The following COMMD5 variants were observed in gnomAD, a reference collection of about 807,000 sequenced individuals.
COMMD5 encodes the protein COMM domain-containing protein 5.
Under a neutral mutation model 6.9 loss-of-function variants are expected in COMMD5, and 10 were observed. The observed-to-expected ratio is 1.44, with a 90% CI of 0.89 to 2.45. The LOEUF (loss-of-function observed/expected upper bound fraction) is 2.45, where lower values mean the gene tolerates loss of function less well. COMMD5 is among the 30% of genes most tolerant of loss of function. COMMD5 has a pLI of 0.00. For synonymous variants in COMMD5, 127 were observed against 125.3 expected (o/e 1.01, Z -0.09); for missense variants, 234 against 287.8 (o/e 0.81, Z 1.35).
At position 144,850,865 on chromosome 8, in the gene COMMD5, C is replaced by T; in HGVS notation, c.474G>A (p.Arg158=). The T allele has an allele frequency of 6.2e-7, 1 of 1,613,242 alleles. No individual in the cohort carries two copies. The highest frequency in any genetic ancestry group is 8.5e-7 in the Non-Finnish European group (1 of 1,179,816). ...WLPHVADFRW[R]VDVAISTSAL... is the part of the protein sequence containing the mutation. ...CACTGGTGGAGATTGCTACATCCAC[C>T]CGCCACCGAAAGTCAGCAACATGCG... Residue 158 remains arginine, a synonymous_variant, in exon 2 of 2, where the codon CGG becomes CGA. Transcript: ENST00000305103. The surrounding 1 kb of genome is among the most constrained non-coding windows in gnomAD (Gnocchi z 4.0).
downstream of COMMD5, chr8:144,846,448 C>T (rs1830515527): frequency 2.5e-5 from 9 of 353,450 alleles, no homozygotes; most frequent in South Asian, 1.7e-4. Context: ...GATGCCCAAG[C>T]GTCTTCATGG....
intron 1 of COMMD5, chr8:144,843,284 T>C: frequency 7.7e-7 from 1 of 1,302,036 alleles, no homozygotes; most frequent in South Asian, 1.6e-5. Context: ...GGTTCAGAAT[T>C]GCTCTCAAGA....
At chr8:144,841,898 A>T in intron 1 of COMMD5, 1 of 1,614,130 alleles carries the variant, frequency 6.2e-7, no homozygotes, top group Non-Finnish European at 8.5e-7. Context: ...CTCTGCTCGC[A>T]GCTTAATCAG....
downstream of COMMD5, chr8:144,846,415 T>G: frequency 2.1e-6 from 1 of 487,508 alleles, no homozygotes; most frequent in Non-Finnish European, 3.7e-6. Context: ...AATTTGACTG[T>G]GCACAGTGTC....
chr8:144,847,753 A>T (rs1331415772), downstream of COMMD5, among the ~76,000 whole-genome samples: 1 of 152,242 alleles, frequency 6.6e-6, no homozygotes, highest in African/African-American at 2.4e-5. Context: ...GGACAGTGCC[A>T]CAGGAGAGGG....
chr8:144,846,071 CAA>C (rs1250715356), downstream of COMMD5: 44 of 1,536,412 alleles, frequency 2.9e-5, 1 homozygote, highest in Admixed American at 5.9e-5. Flanking sequence ...ACACTGCTCA[CAA>C]AGACTGACCC....
At chr8:144,840,045 G>A (rs777321771), downstream of COMMD5, among the ~76,000 whole-genome samples, 2 of 152,180 alleles carry the variant, frequency 1.3e-5, no homozygotes, top group Non-Finnish European at 2.9e-5. Context: ...AGTGATTCTT[G>A]TGCCTCAGCC....
intron 1 of COMMD5, among the ~76,000 whole-genome samples, chr8:144,844,775 A>G (rs558548165): frequency 2.5e-4 from 37 of 150,450 alleles, no homozygotes; most frequent in Non-Finnish European, 5.3e-4. Context: ...GGAAACAAAT[A>G]TGGGGAGAAG....
chr8:144,841,330 A>G, exon 2 of COMMD5: 1 of 1,579,148 alleles, frequency 6.3e-7, no homozygotes, highest in Non-Finnish European at 8.6e-7. Flanking sequence ...GGCCTAAGGA[A>G]CGTCTTTGTT....
At chr8:144,841,484 C>T in exon 2 of COMMD5, 1 of 1,613,890 alleles carries the variant, frequency 6.2e-7, no homozygotes, top group South Asian at 1.1e-5. Flanking sequence ...GGAGACGTTT[C>T]TGATTCTGAG....
chr8:144,850,151 T>C (rs1361723620), downstream of COMMD5: 1 of 155,782 alleles, frequency 6.4e-6, no homozygotes, highest in East Asian at 1.9e-4. The surrounding 1 kb of genome is among the most constrained non-coding windows in gnomAD (Gnocchi z 4.0). Context: ...ACTTGCTGCA[T>C]CACACGCCAT....
chr8:144,842,062 T>C, intron 1 of COMMD5: 1 of 1,614,078 alleles, frequency 6.2e-7, no homozygotes, highest in South Asian at 1.1e-5. Flanking sequence ...TGGTCAGAGC[T>C]CAAGCCTCAT....
rs1554644465 is a variant in COMMD5 at position 144,844,733 on chromosome 8, A to AAAAC, written c.*117-2994_*117-2991dup. On this transcript the variant is annotated intron_variant and NMD_transcript_variant, in intron 1 of 1. Transcript: ENST00000530332. ...TCAAAAAAAAAAAAAAAAAAAAAAA[A>AAAAC]AAACGAAAATGGGATGGAAAGAAGG... 2.1e-3 allele frequency among the ~76,000 whole-genome samples: 281 copies of AAAAC among 132,432 alleles called. 9 individuals carry two copies. Among genetic ancestry groups the AAAAC allele is most frequent in the African/African-American group, 7.9e-3 (268 of 33,736 alleles). 86.9% of individuals were successfully genotyped at this position (132,432 alleles called of 152,430 possible). A position where few individuals can be genotyped will look rare whatever the true frequency, so the allele number is the denominator to read the frequency against.
exon 2 of COMMD5, chr8:144,841,635 C>T: frequency 6.2e-7 from 1 of 1,614,234 alleles, no homozygotes; most frequent in Non-Finnish European, 8.5e-7. Context: ...AGCTGGGAAG[C>T]AGCGGCCTGG....
intron 1 of COMMD5, among the ~76,000 whole-genome samples, chr8:144,844,540 G>A (rs200946370): frequency 6.6e-6 from 1 of 151,186 alleles, no homozygotes; most frequent in Admixed American, 6.6e-5. Flanking sequence ...GAAACCCCGT[G>A]TCTACTAAAA....
chr8:144,842,291 C>T (rs1830036074), intron 1 of COMMD5: 3 of 1,614,052 alleles, frequency 1.9e-6, no homozygotes, highest in East Asian at 2.2e-5. Context: ...CTAAAAGCCT[C>T]AGACAGTCCA....
In COMMD5 at chr8:144,850,669, C is replaced by A; in HGVS notation, c.670G>T (p.Asp224Tyr). 1 of 1,612,740 alleles carries A rather than the reference C, an allele frequency of 6.2e-7. No individual in the cohort carries two copies. Among genetic ancestry groups the A allele is most frequent in the South Asian group, 1.1e-5 (1 of 91,000 alleles). The change falls in exon 2 of 2, where the codon GAC becomes TAC. Residue 224 changes from aspartate to tyrosine, a missense_variant. Coordinates refer to ENST00000305103, the MANE Select transcript of COMMD5 (RefSeq NM_014066.4). The surrounding 1 kb of genome is among the most constrained non-coding windows in gnomAD (Gnocchi z 4.0). Reference sequence around the variant, plus strand: ...GGGACTGGTCAAGTGAGGGGTCAGTCCTGCAGTCTGCGCTCACACCTCTTC... The same window carrying A: ...GGGACTGGTCAAGTGAGGGGTCAGTACTGCAGTCTGCGCTCACACCTCTTC... ...LEKRCERRLQ[D>Y]
downstream of COMMD5, among the ~76,000 whole-genome samples, chr8:144,849,079 G>A (rs994005418): frequency 3.3e-5 from 5 of 152,218 alleles, no homozygotes; most frequent in African/African-American, 1.2e-4. Context: ...TTGCTAAGCA[G>A]CTGGGAGAAG....
At chr8:144,851,465 T>G in intron 1 of COMMD5, 70 bp from the exon 2 acceptor site, 1 of 1,014,726 alleles carries the variant, frequency 9.9e-7, no homozygotes, top group Non-Finnish European at 1.5e-6. Flanking sequence ...AGGGTTGATA[T>G]GGTCCCCATC....
Sources: allele counts gnomAD v4.1 joint callset (sites outside exome capture counted in the v4.1 genomes callset), GRCh38; gene constraint gnomAD v4.1.1; non-coding constraint Gnocchi (gnomAD v3.1); transcripts MANE v1.5; gene names NCBI Gene and HGNC (gene_info 2026-07-23, HGNC 2026-07-21).